The following SNTB2 variants were observed in gnomAD, a reference collection of about 807,000 sequenced individuals.
The protein encoded by SNTB2 is beta-2-syntrophin.
Under a neutral mutation model 46.2 loss-of-function variants are expected in SNTB2, and 34 were observed. The observed-to-expected ratio is 0.74, with a 90% CI of 0.56 to 0.98. The LOEUF is 0.98. Among genes scored for constraint, SNTB2 ranks in the 50% least tolerant of loss-of-function variants. The probability of loss-of-function intolerance (pLI) is 0.00; values close to 1 mark genes in which losing one functional copy is unlikely to be tolerated. For synonymous variants in SNTB2, 290 were observed against 312.6 expected, an observed-to-expected ratio of 0.93 and a Z score of 0.76; for missense variants, 603 against 731.4, an observed-to-expected ratio of 0.82 and a Z score of 2.02.
rs57637291 is a variant in SNTB2, at chr16:69,279,515, C to CTTTTT, written c.1149-4509_1149-4505dup. ...TATACCAAGAAGTGGGTCCTTTGCC[C>CTTTTT]TTTTTTTTTTTTTTTTTTTTTTTTT... On this transcript the variant is annotated intron_variant, in intron 4 of 6. Transcript: ENST00000336278. Among the ~76,000 whole-genome samples, 128 of 71,728 alleles carry CTTTTT rather than the reference C, an allele frequency of 1.8e-3. 17 individuals are homozygous for CTTTTT. The highest frequency in any genetic ancestry group is 7.3e-3 in the African/African-American group (108 of 14,712). The allele number at this position is 71,728 out of a possible 152,430, so 47.1% of individuals were successfully genotyped here.
At chr16:69,233,749 G>A (rs1373958401) in intron 1 of SNTB2, among the ~76,000 whole-genome samples, 3 of 151,664 alleles carry the variant, frequency 2.0e-5, no homozygotes, top group Non-Finnish European at 4.4e-5. Flanking sequence ...AAGGCAGAAG[G>A]ATCACTTGAG....
chr16:69,305,017 G>A lies in SNTB2; in HGVS notation c.*4093G>A, dbSNP rs1965306122. On this transcript the variant is annotated 3_prime_UTR_variant, in exon 7 of 7. Transcript: ENST00000336278. ...ATTAAGCTGTGTGGAATCTGGACAA[G>A]GCTATGTTTCTCCTAGAAACAGGTT... 2 of 152,016 alleles carry A rather than the reference G, an allele frequency of 1.3e-5. No homozygotes were observed. Among genetic ancestry groups the A allele is most frequent in the Admixed American group, 1.3e-4 (2 of 15,256 alleles). 9.4% of individuals were successfully genotyped at this position (152,016 alleles called of 1,614,324 possible). A position where few individuals can be genotyped will look rare whatever the true frequency, so the allele number is the denominator to read the frequency against.
intron 5 of SNTB2, among the ~76,000 whole-genome samples, chr16:69,294,107 A>G (rs1438928986): frequency 2.6e-5 from 4 of 152,140 alleles, no homozygotes; most frequent in Admixed American, 2.0e-4. Context: ...GGCTCACTGC[A>G]TCCAGGCTGA....
At chr16:69,188,075 C>T (rs888045316) in intron 1 of SNTB2, among the ~76,000 whole-genome samples, 17 of 151,762 alleles carry the variant, frequency 1.1e-4, no homozygotes, top group Non-Finnish European at 2.2e-4. Flanking sequence ...TCCGTTTGCC[C>T]GCTGAGAAGT....
At chr16:69,237,603 C>A in intron 1 of SNTB2, among the ~76,000 whole-genome samples, 1 of 118,738 alleles carries the variant, frequency 8.4e-6, no homozygotes, top group African/African-American at 3.3e-5. Flanking sequence ...TTCTTTCTTT[C>A]TTTTTTTTTT....
At chr16:69,271,647 T>C (rs1029945854) in intron 4 of SNTB2, among the ~76,000 whole-genome samples, 5 of 152,208 alleles carry the variant, frequency 3.3e-5, no homozygotes, top group African/African-American at 1.2e-4. Flanking sequence ...CAATTAAATT[T>C]ATATTTTCCA....
chr16:69,219,188 C>T (rs1310981000), intron 1 of SNTB2, among the ~76,000 whole-genome samples: 2 of 152,144 alleles, frequency 1.3e-5, no homozygotes, highest in Admixed American at 1.3e-4. Context: ...GGTTCAGGAA[C>T]TTTTCATTGT....
chr16:69,295,089 A>G (rs761469669), intron 5 of SNTB2, among the ~76,000 whole-genome samples: 15 of 151,776 alleles, frequency 9.9e-5, no homozygotes, highest in East Asian at 3.9e-4. Flanking sequence ...CCAAAGTACT[A>G]GGATTACAGG....
chr16:69,281,922 T>C (rs1422828300), intron 4 of SNTB2, among the ~76,000 whole-genome samples: 2 of 148,482 alleles, frequency 1.3e-5, no homozygotes, highest in African/African-American at 4.9e-5. Context: ...TTTTTTTTTT[T>C]GAGAGGGAGT....
chr16:69,259,236 ATTTTTTTTTT>A (rs58387978), intron 2 of SNTB2, among the ~76,000 whole-genome samples: 30 of 69,188 alleles, frequency 4.3e-4, no homozygotes, highest in South Asian at 3.1e-3. Context: ...GGTCTTTCTG[ATTTTTTTTTT>A]TTTTTTTTTT....
intron 5 of SNTB2, among the ~76,000 whole-genome samples, chr16:69,294,232 T>A (rs903146313): frequency 6.6e-6 from 1 of 152,140 alleles, no homozygotes; most frequent in African/African-American, 2.4e-5. Flanking sequence ...TGCCTAGACT[T>A]GTCTCAAACT....
chr16:69,201,339 TAACTTGTAA>T, intron 1 of SNTB2, among the ~76,000 whole-genome samples: 1 of 152,310 alleles, frequency 6.6e-6, no homozygotes, highest in South Asian at 2.1e-4. Flanking sequence ...TGCCATCTTA[TAACTTGTAA>T]AACTCTCTTA....
chr16:69,198,557 C>T (rs1198739031), intron 1 of SNTB2, among the ~76,000 whole-genome samples: 2 of 152,170 alleles, frequency 1.3e-5, no homozygotes, highest in African/African-American at 2.4e-5. Context: ...CCATTATTCT[C>T]TTTATTTCTC....
rs1274517337 is a variant in SNTB2, at chr16:69,305,325, A to G, written c.*4401A>G. 2 of 152,426 alleles carry G rather than the reference A, an allele frequency of 1.3e-5. No individual in the cohort carries two copies. The highest frequency in any genetic ancestry group is 2.4e-5 in the African/African-American group (1 of 41,438). 9.4% of individuals were successfully genotyped at this position (152,426 alleles called of 1,614,324 possible). On this transcript the variant is annotated 3_prime_UTR_variant, in exon 7 of 7. Transcript: ENST00000336278. ...TCAAGCACTTTCTCTGCTTTTTTGT[A>G]TCTTATCTTGGACACTTATGCTGAA...
At chr16:69,278,889 AGTGTGTGTGTGTGTGT>A (rs71148981) in intron 4 of SNTB2, among the ~76,000 whole-genome samples, 10 of 140,910 alleles carry the variant, frequency 7.1e-5, no homozygotes, top group African/African-American at 1.1e-4. Flanking sequence ...AGGTGGGAAG[AGTGTGTGTGTGTGTGT>A]GTGTGTGTGT....
chr16:69,283,784 C>T (rs1430164957), intron 4 of SNTB2, among the ~76,000 whole-genome samples: 1 of 152,094 alleles, frequency 6.6e-6, no homozygotes, highest in Non-Finnish European at 1.5e-5. Context: ...GCCTGTAATC[C>T]CAGCACTTTG....
At chr16:69,199,029 T>C (rs1424146073) in intron 1 of SNTB2, among the ~76,000 whole-genome samples, 1 of 151,700 alleles carries the variant, frequency 6.6e-6, no homozygotes, top group Non-Finnish European at 1.5e-5. Flanking sequence ...CCCGAGTAGC[T>C]GGGATTACAG....
intron 4 of SNTB2, among the ~76,000 whole-genome samples, chr16:69,281,485 GTT>G (rs575825315): frequency 1.5e-5 from 2 of 135,838 alleles, no homozygotes; most frequent in Admixed American, 7.4e-5. Flanking sequence ...GTAAGGTCTG[GTT>G]TTTTTTTTTT....
At chr16:69,209,582 G>C (rs923652175) in intron 1 of SNTB2, among the ~76,000 whole-genome samples, 1 of 152,158 alleles carries the variant, frequency 6.6e-6, no homozygotes, top group African/African-American at 2.4e-5. Flanking sequence ...GTGTTGCAGA[G>C]GTGCTTGTTT....
Sources: gnomAD v4.1 joint callset for allele counts (sites outside exome capture counted in the v4.1 genomes callset) on GRCh38, gnomAD v4.1.1 for gene constraint, MANE v1.5 for transcripts, NCBI Gene and HGNC (gene_info 2026-07-23, HGNC 2026-07-21) for gene names.